The following RNASEH2B variants were observed in gnomAD, a reference collection of about 807,000 sequenced individuals.
The protein encoded by RNASEH2B is ribonuclease H2 subunit B.
RNASEH2B carries 36 observed loss-of-function variants against 45.0 expected under a neutral mutation model. The ratio of observed to expected loss-of-function variants is 0.80; its 90% CI spans 0.61 to 1.06. The LOEUF is 1.06. Ranked by LOEUF, RNASEH2B falls within the 50% of genes least tolerant of loss-of-function variation. RNASEH2B has a pLI of 0.00. For missense variants in RNASEH2B, 361 were observed against 360.3 expected, an observed-to-expected ratio of 1.00 and a Z score of -0.02; for synonymous variants, 119 against 125.7, an observed-to-expected ratio of 0.95 and a Z score of 0.35.
At chr13:50,952,556 C>T (rs953006119) in intron 9 of RNASEH2B, 3 of 152,166 alleles carry the variant, frequency 2.0e-5, no homozygotes, top group Non-Finnish European at 2.9e-5. Flanking sequence ...CACATGCCAC[C>T]ATGCGCAGCT....
At chr13:50,931,377 T>C (rs1171670106) in intron 4 of RNASEH2B, among the ~76,000 whole-genome samples, 1 of 152,222 alleles carries the variant, frequency 6.6e-6, no homozygotes, top group Non-Finnish European at 1.5e-5. Context: ...CTGTGGGTTC[T>C]AGCAATACTC....
intron 4 of RNASEH2B, among the ~76,000 whole-genome samples, chr13:50,931,658 T>G (rs1951682864): frequency 6.6e-6 from 1 of 152,208 alleles, no homozygotes; most frequent in African/African-American, 2.4e-5. Context: ...CCATACATCT[T>G]TGTAGTTAGA....
At chr13:50,953,684 A>G (rs1952004659) in intron 9 of RNASEH2B, 2 of 586,448 alleles carry the variant, frequency 3.4e-6, no homozygotes, top group Non-Finnish European at 3.0e-6. Flanking sequence ...ACCCAATCAT[A>G]TCCACCATCA....
intron 1 of RNASEH2B, 78 bp downstream of exon 1, chr13:50,910,218 C>G (rs534222775): frequency 3.2e-5 from 35 of 1,097,358 alleles, no homozygotes; most frequent in South Asian, 1.1e-4. Flanking sequence ...CGCCGCCCCC[C>G]ACCCCGGTGG....
At chr13:50,947,845 A>G in intron 7 of RNASEH2B, 142 bp from the exon 8 acceptor site, 1 of 1,360,346 alleles carries the variant, frequency 7.4e-7, no homozygotes, top group Middle Eastern at 2.6e-4. Context: ...CATTTTACAA[A>G]TGAGAAAACT....
intron 4 of RNASEH2B, among the ~76,000 whole-genome samples, chr13:50,932,866 A>T (rs1754042128): frequency 6.6e-6 from 1 of 152,234 alleles, no homozygotes; most frequent in African/African-American, 2.4e-5. Flanking sequence ...ACTGAAAGTC[A>T]TAAAGTATCA....
At chr13:50,929,753 C>T (rs1951653240) in intron 3 of RNASEH2B, among the ~76,000 whole-genome samples, 171 bp downstream of exon 3, 1 of 152,086 alleles carries the variant, frequency 6.6e-6, no homozygotes, top group Non-Finnish European at 1.5e-5. Context: ...CATTTGAGCA[C>T]TAAGGTTAAG....
intron 9 of RNASEH2B, among the ~76,000 whole-genome samples, chr13:50,964,308 T>G (rs1952143386): frequency 6.6e-6 from 1 of 152,232 alleles, no homozygotes; most frequent in African/African-American, 2.4e-5. Context: ...TGAGATACTT[T>G]GAAACTATGT....
downstream of RNASEH2B, among the ~76,000 whole-genome samples, chr13:50,961,554 G>A (rs180990875): frequency 9.2e-5 from 14 of 152,096 alleles, no homozygotes; most frequent in East Asian, 1.9e-4. Flanking sequence ...CTGCTTCTGC[G>A]ACTGGAGTTT....
At chr13:50,913,501 A>G (rs569576114) in intron 1 of RNASEH2B, among the ~76,000 whole-genome samples, 72 of 152,006 alleles carry the variant, frequency 4.7e-4, no homozygotes, top group African/African-American at 1.7e-3. Flanking sequence ...AAAAAAAAAA[A>G]GAAGAAAAAT....
chr13:50,953,868 T>C (rs749536701), intron 9 of RNASEH2B, 37 bp from the exon 10 acceptor site: 2 of 1,339,438 alleles, frequency 1.5e-6, no homozygotes, highest in South Asian at 2.4e-5. Context: ...TGTGTCAAAG[T>C]GACATTTGAC....
In RNASEH2B at chr13:50,955,588, C is replaced by A. The variant is rs377747935; in HGVS notation, c.823-770C>A. Reference sequence around the variant, plus strand: ...AGAATTGTGGGAATCATATACTGTGCCTCTAAAAAATACTTTATCAATGAC... The same window carrying A: ...AGAATTGTGGGAATCATATACTGTGACTCTAAAAAATACTTTATCAATGAC... On this transcript the variant is annotated intron_variant, in intron 10 of 10. Coordinates refer to ENST00000336617, the MANE Select transcript of RNASEH2B (RefSeq NM_024570.4). 41 of 152,288 alleles carry A rather than the reference C, an allele frequency of 2.7e-4. No individual in the cohort carries two copies. The East Asian group carries it at 7.7e-3, about 29-fold the overall frequency. The allele number at this position is 152,288 out of a possible 1,614,324, so 9.4% of individuals were successfully genotyped here.
downstream of RNASEH2B, chr13:50,959,640 A>G (rs1278915794): frequency 6.6e-6 from 1 of 151,918 alleles, no homozygotes; most frequent in Non-Finnish European, 1.5e-5. Context: ...TTTAGTAGAG[A>G]CGGGGTTTCT....
intron 1 of RNASEH2B, among the ~76,000 whole-genome samples, chr13:50,921,636 T>C (rs924816688): frequency 2.0e-5 from 3 of 152,198 alleles, no homozygotes; most frequent in African/African-American, 7.2e-5. Context: ...CTAAGGAATT[T>C]ATCAGAAATA....
Position 50,956,550 on chromosome 13 carries a change from T to C in RNASEH2B, c.*76T>C. 3 of 1,540,140 alleles carry C rather than the reference T, an allele frequency of 1.9e-6. No homozygotes were observed. The highest frequency in any genetic ancestry group is 2.6e-6 in the Non-Finnish European group (3 of 1,139,720). ...TTTGTCCTTCCTGACTGTTAATGAC[T>C]ACCTTTGGTTGGGGGAAGGAAGAGG... On this transcript the variant is annotated 3_prime_UTR_variant, in exon 11 of 11. Transcript: ENST00000336617.
intron 9 of RNASEH2B, among the ~76,000 whole-genome samples, chr13:50,968,967 A>T (rs1277274946): frequency 6.6e-6 from 1 of 152,226 alleles, no homozygotes; most frequent in African/African-American, 2.4e-5. Context: ...GAATACTTGT[A>T]AAATTAAAGT....
At chr13:50,961,206 A>AG (rs1952108119), downstream of RNASEH2B, among the ~76,000 whole-genome samples, 2 of 152,094 alleles carry the variant, frequency 1.3e-5, no homozygotes, top group African/African-American at 2.4e-5. Flanking sequence ...TTAATAAGTA[A>AG]TTTGTGGGTA....
At chr13:50,910,170 G>C in intron 1 of RNASEH2B, 30 bp downstream of exon 1, 2 of 1,414,960 alleles carry the variant, frequency 1.4e-6, no homozygotes, top group Non-Finnish European at 1.8e-6. Flanking sequence ...CGGCGGGGTC[G>C]GCCCAAGAAC....
intron 1 of RNASEH2B, among the ~76,000 whole-genome samples, chr13:50,914,943 A>G (rs1194055230): frequency 2.0e-5 from 3 of 152,230 alleles, no homozygotes; most frequent in Non-Finnish European, 2.9e-5. Context: ...AAGCCTGGCT[A>G]TAATAACACA....
Sources: allele counts gnomAD v4.1 joint callset (sites outside exome capture counted in the v4.1 genomes callset), GRCh38; gene constraint gnomAD v4.1.1; transcripts MANE v1.5; gene names NCBI Gene and HGNC (gene_info 2026-07-23, HGNC 2026-07-21).